Variants in PTK2B observed in about 807,000 individuals in gnomAD.
PTK2B encodes the protein protein tyrosine kinase 2 beta, also known as protein-tyrosine kinase 2-beta.
Under a neutral mutation model 142.9 loss-of-function variants are expected in PTK2B, and 71 were observed. The observed-to-expected ratio is 0.50, with a 90% confidence interval of 0.41 to 0.61. PTK2B has a LOEUF of 0.61. PTK2B is among the 20% of genes least tolerant of loss of function. The pLI is 0.00. For synonymous variants in PTK2B, 519 were observed against 503.4 expected, an observed-to-expected ratio of 1.03 and a Z score of -0.42; for missense variants, 1,105 against 1,320.4, an observed-to-expected ratio of 0.84 and a Z score of 2.53.
At chr8:27,418,466 A>T (rs17057148) in intron 2 of PTK2B, among the ~76,000 whole-genome samples, 3,812 of 152,354 alleles carry the variant, frequency 0.025, 171 homozygotes, top group African/African-American at 0.087. Context: ...TGACTAAATT[A>T]GAAACTGTCT....
chr8:27,334,806 T>C (rs1803962642), intron 1 of PTK2B, among the ~76,000 whole-genome samples: 1 of 152,194 alleles, frequency 6.6e-6, no homozygotes, highest in South Asian at 2.1e-4. Context: ...GTCTCTTGAA[T>C]TCTTGCCCTG....
rs570476839 is a variant in PTK2B at position 27,314,909 on chromosome 8, C to T, written c.-414+1622C>T. 2.6e-5 allele frequency among the ~76,000 whole-genome samples: 4 copies of T among 152,268 alleles called. No individual in the cohort carries two copies. In the South Asian group the frequency reaches 6.2e-4, roughly 24 times the overall value. ...GAGATTGTGCCAGTGCACTCCAGCCCAGGTGACAGAGCCAGACCCTGTCTC... is the reference window on the plus strand; with the variant it reads ...GAGATTGTGCCAGTGCACTCCAGCCTAGGTGACAGAGCCAGACCCTGTCTC... On this transcript the variant is annotated intron_variant, in intron 3 of 35. Coordinates refer to the PTK2B transcript ENST00000397501.
In PTK2B at chr8:27,433,681, G is replaced by A. The variant is rs112498835; in HGVS notation, c.1105+129G>A. 292 of 839,508 alleles carry A rather than the reference G, an allele frequency of 3.5e-4. No individual in the cohort carries two copies. In the East Asian group the frequency reaches 6.1e-3, roughly 17 times the overall value. 52.0% of individuals were successfully genotyped at this position (839,508 alleles called of 1,614,324 possible). ...GAGGATTCTTCCCCCACAGCCCAGC[G>A]GGAAGCTTCCAGTGGGCCCATCTTA... On this transcript the variant is annotated intron_variant, in intron 11 of 30. Coordinates refer to ENST00000346049, the MANE Select transcript of PTK2B (RefSeq NM_173176.3).
At chr8:27,433,583 A>G (rs1168090269) in intron 11 of PTK2B, 31 bp downstream of exon 11, 1 of 1,580,528 alleles carries the variant, frequency 6.3e-7, no homozygotes, top group South Asian at 1.1e-5. Flanking sequence ...AAGTGGCTGG[A>G]CCACGGGTGG....
intron 23 of PTK2B, among the ~76,000 whole-genome samples, chr8:27,445,159 C>T (rs764945791): frequency 3.9e-5 from 6 of 152,256 alleles, no homozygotes; most frequent in Admixed American, 2.0e-4. Context: ...TCATTGAGCT[C>T]AGGAGTTTGA....
intron 1 of PTK2B, among the ~76,000 whole-genome samples, chr8:27,354,990 T>G (rs1422436282): frequency 7.2e-5 from 11 of 152,036 alleles, no homozygotes; most frequent in African/African-American, 2.7e-4. Flanking sequence ...GTTCTTACAG[T>G]AAACGACTCT....
upstream of PTK2B, chr8:27,310,868 C>T: frequency 6.2e-7 from 1 of 1,611,592 alleles, no homozygotes; most frequent in Non-Finnish European, 8.5e-7. Context: ...GTCGGCCTGG[C>T]AGGAGCAGCA....
At chr8:27,396,964 A>G (rs1295700345) in intron 1 of PTK2B, among the ~76,000 whole-genome samples, 2 of 152,312 alleles carry the variant, frequency 1.3e-5, no homozygotes, top group South Asian at 2.1e-4. Context: ...TGTCAGACGG[A>G]AGCCTCCCAC....
intron 1 of PTK2B, among the ~76,000 whole-genome samples, chr8:27,377,727 C>T (rs751388572): frequency 1.4e-4 from 22 of 152,158 alleles, no homozygotes; most frequent in Non-Finnish European, 2.8e-4. Flanking sequence ...TACTGAAGGG[C>T]GCCATTACAT....
At chr8:27,411,396 A>G (rs1809055758) in intron 2 of PTK2B, among the ~76,000 whole-genome samples, 2 of 152,226 alleles carry the variant, frequency 1.3e-5, no homozygotes, top group Admixed American at 1.3e-4. Context: ...AATTCACACC[A>G]TACCTTTCCT....
At chr8:27,442,050 C>T (rs1485726182) in intron 21 of PTK2B, among the ~76,000 whole-genome samples, 2 of 152,158 alleles carry the variant, frequency 1.3e-5, no homozygotes, top group Non-Finnish European at 2.9e-5. Flanking sequence ...ACTCTTCCTC[C>T]TTAGAGTTCA....
chr8:27,421,536 G>A (rs150754384), intron 4 of PTK2B, among the ~76,000 whole-genome samples: 3 of 152,294 alleles, frequency 2.0e-5, no homozygotes, highest in Non-Finnish European at 4.4e-5. Context: ...TCCCCCTTAT[G>A]AGTGAGAACA....
intron 1 of PTK2B, among the ~76,000 whole-genome samples, chr8:27,330,915 G>A (rs985444396): frequency 2.6e-5 from 4 of 152,292 alleles, no homozygotes; most frequent in Middle Eastern, 3.4e-3. Context: ...CTGCTTTTAT[G>A]AGGCAGCCAG....
intron 1 of PTK2B, among the ~76,000 whole-genome samples, chr8:27,387,743 A>G (rs1017253859): frequency 2.6e-5 from 4 of 152,048 alleles, no homozygotes; most frequent in Non-Finnish European, 4.4e-5. Context: ...CAGTGAATTT[A>G]CAGTTAGCCT....
At chr8:27,336,342 C>G (rs974162864) in intron 1 of PTK2B, among the ~76,000 whole-genome samples, 1 of 152,108 alleles carries the variant, frequency 6.6e-6, no homozygotes, top group African/African-American at 2.4e-5. Context: ...TAAAAATGAC[C>G]TCAAACTTGA....
intron 16 of PTK2B, 40 bp from the exon 17 acceptor site, chr8:27,437,356 G>A (rs1251886505): frequency 4.4e-6 from 7 of 1,587,406 alleles, no homozygotes; most frequent in Non-Finnish European, 6.0e-6. Context: ...TTGGACCTTT[G>A]AGCCGCTCCA....
intron 2 of PTK2B, among the ~76,000 whole-genome samples, chr8:27,400,216 T>C (rs1808291208): frequency 6.6e-6 from 1 of 152,192 alleles, no homozygotes; most frequent in Non-Finnish European, 1.5e-5. Context: ...GATTGGGAAA[T>C]GTTTGGTTAA....
intron 24 of PTK2B, among the ~76,000 whole-genome samples, chr8:27,446,972 A>G (rs1374587719): frequency 6.6e-6 from 1 of 152,190 alleles, no homozygotes. Context: ...ACAATAATAA[A>G]CTACATTTTT....
At chr8:27,445,647 C>T (rs1359517150) in intron 23 of PTK2B, 147 bp from the exon 24 acceptor site, 25 of 1,153,748 alleles carry the variant, frequency 2.2e-5, no homozygotes, top group Admixed American at 2.0e-5. Flanking sequence ...GGAAGGCCCA[C>T]GTTTTGTTCT....
Sources: gnomAD v4.1 joint callset for allele counts (sites outside exome capture counted in the v4.1 genomes callset) on GRCh38, gnomAD v4.1.1 for gene constraint, MANE v1.5 for transcripts, NCBI Gene and HGNC (gene_info 2026-07-23, HGNC 2026-07-21) for gene names.